The following RYR2 variants were observed in gnomAD, a reference collection of about 807,000 sequenced individuals.
RYR2 encodes the protein cardiac muscle ryanodine receptor-calcium release channel.
A neutral mutation model predicts 601.1 loss-of-function variants in RYR2; 227 were observed. That is an observed-to-expected ratio of 0.38 (90% CI 0.34 to 0.42). The LOEUF (loss-of-function observed/expected upper bound fraction) is 0.42. Ranked by LOEUF, RYR2 falls within the 10% of genes least tolerant of loss-of-function variation. The pLI is 1.00. For missense variants in RYR2, 4,646 were observed against 6,156.5 expected (o/e 0.75, Z 8.21); for synonymous variants, 2,223 against 2,175.1 (o/e 1.02, Z -0.61).
chr1:237,548,644 A>G (rs961608995), intron 26 of RYR2, 54 bp downstream of exon 26: 2 of 1,587,514 alleles, frequency 1.3e-6, no homozygotes, highest in African/African-American at 2.7e-5. Flanking sequence ...AATTAGCATA[A>G]TTTGTAACAG....
At chr1:237,809,351 G>A (rs1661015773) in intron 100 of RYR2, among the ~76,000 whole-genome samples, 1 of 152,184 alleles carries the variant, frequency 6.6e-6, no homozygotes, top group African/African-American at 2.4e-5. Context: ...CTATTTCCCA[G>A]AGAACATTTG....
intron 1 of RYR2, among the ~76,000 whole-genome samples, chr1:237,214,151 C>A (rs1048457522): frequency 2.0e-5 from 3 of 151,820 alleles, no homozygotes; most frequent in Non-Finnish European, 4.4e-5. Context: ...GAACTCCTGA[C>A]CTCAAATGAT....
chr1:237,466,150 T>C (rs372092856), intron 16 of RYR2, among the ~76,000 whole-genome samples: 2 of 152,188 alleles, frequency 1.3e-5, no homozygotes, highest in Non-Finnish European at 2.9e-5. Context: ...AGTATAAAGA[T>C]GTATAAAATT....
intron 2 of RYR2, among the ~76,000 whole-genome samples, chr1:237,290,888 A>G (rs2149418832): frequency 6.6e-6 from 1 of 152,334 alleles, no homozygotes; most frequent in South Asian, 2.1e-4. Context: ...ATATTTTAAA[A>G]GATGTTGAAG....
At chr1:237,212,717 G>T (rs945317696) in intron 1 of RYR2, among the ~76,000 whole-genome samples, 1 of 152,122 alleles carries the variant, frequency 6.6e-6, no homozygotes, top group Non-Finnish European at 1.5e-5. Context: ...GTACTAATAT[G>T]CATTCCAACA....
intron 28 of RYR2, among the ~76,000 whole-genome samples, chr1:237,567,033 G>A (rs1353296973): frequency 1.3e-5 from 2 of 152,128 alleles, no homozygotes; most frequent in Admixed American, 1.3e-4. Flanking sequence ...AAATGTTAAA[G>A]ATACATATGT....
Position 237,590,130 on chromosome 1 carries a change from A to C in RYR2, c.3807+129A>C, listed in dbSNP as rs1055851655. 45 of 827,064 alleles carry C rather than the reference A, an allele frequency of 5.4e-5. No individual in the cohort carries two copies. In the African/African-American group the frequency reaches 7.6e-4, roughly 14 times the overall value. The allele number at this position is 827,064 out of a possible 1,614,324, so 51.2% of individuals were successfully genotyped here. On this transcript the variant is annotated intron_variant, in intron 30 of 104. Coordinates refer to ENST00000366574, the MANE Select transcript of RYR2 (RefSeq NM_001035.3). ...TGATGACCTTGATGTGTTATATAGT[A>C]GTGGAATCTAAGCAAAGATGGTACT...
At chr1:237,252,792 C>T (rs568020132) in intron 1 of RYR2, among the ~76,000 whole-genome samples, 5 of 152,268 alleles carry the variant, frequency 3.3e-5, no homozygotes, top group African/African-American at 1.2e-4. Flanking sequence ...AGCTAGAGAG[C>T]TGGGATGCAA....
intron 21 of RYR2, among the ~76,000 whole-genome samples, chr1:237,502,730 CG>C (rs1415380811): frequency 2.6e-5 from 4 of 151,704 alleles, no homozygotes; most frequent in African/African-American, 9.7e-5. Context: ...TAACAGGCCG[CG>C]GACTGGTACC....
intron 1 of RYR2, among the ~76,000 whole-genome samples, chr1:237,108,454 G>A (rs1404910557): frequency 6.6e-6 from 1 of 152,240 alleles, no homozygotes; most frequent in Non-Finnish European, 1.5e-5. Flanking sequence ...TGAGGCTGAT[G>A]TACCGCAGAG....
intron 40 of RYR2, among the ~76,000 whole-genome samples, chr1:237,626,557 CTTTTCTTTTTCT>C (rs1403979839): frequency 2.4e-4 from 14 of 57,606 alleles, no homozygotes; most frequent in Admixed American, 3.3e-4. Flanking sequence ...GTGTTTCTTT[CTTTTCTTTTTCT>C]TTTTCTTTTT....
chr1:237,208,121 C>T (rs139029476), intron 1 of RYR2, among the ~76,000 whole-genome samples: 22 of 152,300 alleles, frequency 1.4e-4, no homozygotes, highest in Admixed American at 2.6e-4. Context: ...CAGCCAGCAC[C>T]GGCACACCAT....
intron 29 of RYR2, among the ~76,000 whole-genome samples, chr1:237,574,108 T>A (rs2148316753): frequency 6.6e-6 from 1 of 152,314 alleles, no homozygotes; most frequent in Middle Eastern, 3.4e-3. Flanking sequence ...CTGTTAGGAT[T>A]CTCCCTTCTC....
At chr1:237,087,070 G>A (rs772622696) in intron 1 of RYR2, among the ~76,000 whole-genome samples, 4 of 152,238 alleles carry the variant, frequency 2.6e-5, no homozygotes, top group East Asian at 3.9e-4. Context: ...CTCAGCACGC[G>A]CAAGTGAAAG....
intron 3 of RYR2, among the ~76,000 whole-genome samples, chr1:237,331,444 T>C (rs949914517): frequency 1.3e-5 from 2 of 152,224 alleles, no homozygotes; most frequent in Admixed American, 1.3e-4. Flanking sequence ...TTTGGTGATA[T>C]GGCTTTAGGC....
chr1:237,102,206 T>TG (rs1009950726), intron 1 of RYR2, among the ~76,000 whole-genome samples: 6 of 151,860 alleles, frequency 4.0e-5, no homozygotes, highest in East Asian at 1.9e-4. Context: ...GACAGACAGG[T>TG]GGGGGGAGTG....
At chr1:237,238,870 A>G (rs537100863) in intron 1 of RYR2, among the ~76,000 whole-genome samples, 14 of 152,320 alleles carry the variant, frequency 9.2e-5, no homozygotes, top group Non-Finnish European at 8.8e-5. Flanking sequence ...ATTTGTGGAA[A>G]AATGACGATA....
Position 237,593,641 on chromosome 1 carries a change from G to C in RYR2, c.4436+5G>C. On this transcript the variant is annotated splice_donor_5th_base_variant and intron_variant, in intron 33 of 104. Transcript: ENST00000366574. ...AAAAGGAAAAGTGCATGAAAGGTTA[G>C]TTTTCCTCAATTTTTTGCAAGAATG... 1 of 1,613,214 alleles carries C rather than the reference G, an allele frequency of 6.2e-7. No homozygotes were observed. Among genetic ancestry groups the C allele is most frequent in the Non-Finnish European group, 8.5e-7 (1 of 1,179,538 alleles).
At position 237,042,478 on chromosome 1, in the gene RYR2, T is replaced by C; in HGVS notation, c.-44T>C. ...CCAGGGGCCGCCGCCGCCGCCGAGCTCCGCGGGGCTCGGGAGCCGGCCCCG... is the reference window on the plus strand; with the variant it reads ...CCAGGGGCCGCCGCCGCCGCCGAGCCCCGCGGGGCTCGGGAGCCGGCCCCG... On this transcript the variant is annotated 5_prime_UTR_variant, in exon 1 of 105. Coordinates refer to ENST00000366574, the MANE Select transcript of RYR2 (RefSeq NM_001035.3). 1 of 1,242,450 alleles carries C rather than the reference T, an allele frequency of 8.0e-7. No individual in the cohort carries two copies. The highest frequency in any genetic ancestry group is 1.0e-6 in the Non-Finnish European group (1 of 984,630). 77.0% of individuals were successfully genotyped at this position (1,242,450 alleles called of 1,614,324 possible). A position where few individuals can be genotyped will look rare whatever the true frequency, so the allele number is the denominator to read the frequency against.
Sources: allele counts gnomAD v4.1 joint callset (sites outside exome capture counted in the v4.1 genomes callset), GRCh38; gene constraint gnomAD v4.1.1; transcripts MANE v1.5; gene names NCBI Gene and HGNC (gene_info 2026-07-23, HGNC 2026-07-21).